The following GSTA5 variants were observed in gnomAD, a reference collection of about 807,000 sequenced individuals.
The protein encoded by GSTA5 is glutathione S-transferase alpha 5.
In GSTA5, 25 loss-of-function variants were observed where a neutral mutation model predicts 21.8. That is an observed-to-expected ratio of 1.14 (90% CI 0.83 to 1.60). The LOEUF is 1.60. Ranked by LOEUF, GSTA5 falls within the 40% of genes most tolerant of loss-of-function variation. The pLI is 0.00. For synonymous variants in GSTA5, 102 were observed against 89.5 expected, an observed-to-expected ratio of 1.14 and a Z score of -0.78; for missense variants, 330 against 259.2, an observed-to-expected ratio of 1.27 and a Z score of -1.88.
chr6:52,832,862 C>T (rs764357045), exon 5 of GSTA5: 1 of 1,613,880 alleles, frequency 6.2e-7, no homozygotes, highest in South Asian at 1.1e-5. Context: ...GGGTCACCTT[C>T]AGCAGAGGGA....
chr6:52,843,673 T>G (rs905263861), upstream of GSTA5, among the ~76,000 whole-genome samples: 3 of 152,202 alleles, frequency 2.0e-5, no homozygotes, highest in Non-Finnish European at 2.9e-5. Flanking sequence ...ATTTTGATGT[T>G]GTACTTTCCT....
intron 4 of GSTA5, among the ~76,000 whole-genome samples, chr6:52,833,293 T>C (rs1275036570): frequency 5.3e-5 from 8 of 151,930 alleles, no homozygotes. Context: ...TGCCTCCATG[T>C]GTTCTGTCTG....
At chr6:52,844,446 G>A (rs1764426865), upstream of GSTA5, among the ~76,000 whole-genome samples, 5 of 152,152 alleles carry the variant, frequency 3.3e-5, no homozygotes, top group Admixed American at 3.3e-4. Context: ...CTAAAATCCA[G>A]AGTGAGTTGA....
chr6:52,832,406 G>A (rs1383715913), intron 5 of GSTA5, among the ~76,000 whole-genome samples: 1 of 152,194 alleles, frequency 6.6e-6, no homozygotes, highest in East Asian at 1.9e-4. Flanking sequence ...TACAGTGTCA[G>A]GGGCAGAGTG....
At chr6:52,842,646 C>A (rs1764395043), upstream of GSTA5, among the ~76,000 whole-genome samples, 1 of 152,080 alleles carries the variant, frequency 6.6e-6, no homozygotes, top group South Asian at 2.1e-4. Context: ...CTCAGGAGAT[C>A]CACTTGCCTC....
chr6:52,834,360 G>C (rs368359339), intron 3 of GSTA5, 78 bp from the exon 4 acceptor site: 4 of 1,446,758 alleles, frequency 2.8e-6, no homozygotes, highest in Non-Finnish European at 3.7e-6. Context: ...TAAGAAAATA[G>C]AGGGTCAGAT....
At chr6:52,834,394 G>T in intron 3 of GSTA5, 112 bp from the exon 4 acceptor site, 1 of 987,880 alleles carries the variant, frequency 1.0e-6, no homozygotes, top group Non-Finnish European at 1.5e-6. Flanking sequence ...TTCACCTCCA[G>T]TTAGTGCCTT....
At chr6:52,840,608 A>G in intron 1 of GSTA5, 119 bp downstream of exon 1, 1 of 919,728 alleles carries the variant, frequency 1.1e-6, no homozygotes, top group Non-Finnish European at 1.7e-6. Context: ...TCTTAATTAC[A>G]GTCCATTTTT....
At chr6:52,836,161 G>T in intron 3 of GSTA5, 75 bp downstream of exon 3, 1 of 1,530,660 alleles carries the variant, frequency 6.5e-7, no homozygotes. Flanking sequence ...GCCCTGCCAT[G>T]GTCCCACCCA....
chr6:52,841,409 C>T (rs139339517), upstream of GSTA5, among the ~76,000 whole-genome samples: 1,701 of 152,298 alleles, frequency 0.011, 18 homozygotes, highest in Middle Eastern at 0.034. Context: ...GAGGATGTCA[C>T]TGACAGGGAG....
At chr6:52,833,504 C>G (rs2127322670) in intron 4 of GSTA5, among the ~76,000 whole-genome samples, 1 of 152,276 alleles carries the variant, frequency 6.6e-6, no homozygotes, top group East Asian at 1.9e-4. Flanking sequence ...TGAAGTAAAC[C>G]TGGGTGAACC....
At chr6:52,836,136 G>T in intron 3 of GSTA5, 100 bp downstream of exon 3, 1 of 1,322,942 alleles carries the variant, frequency 7.6e-7, no homozygotes, top group Non-Finnish European at 1.1e-6. Flanking sequence ...GACCCAGCCT[G>T]CTGCTGGTCA....
upstream of GSTA5, among the ~76,000 whole-genome samples, chr6:52,844,934 C>G (rs1317897983): frequency 6.6e-6 from 1 of 152,106 alleles, no homozygotes; most frequent in Non-Finnish European, 1.5e-5. Flanking sequence ...TCTGTCTACC[C>G]ATCCAAGTAT....
chr6:52,839,870 C>T (rs755050471), intron 1 of GSTA5, among the ~76,000 whole-genome samples: 4 of 152,246 alleles, frequency 2.6e-5, no homozygotes, highest in Non-Finnish European at 5.9e-5. Context: ...GAAGCCTCCA[C>T]GCCTCATTTT....
At chr6:52,842,143 G>C (rs896277520), upstream of GSTA5, among the ~76,000 whole-genome samples, 5 of 152,182 alleles carry the variant, frequency 3.3e-5, no homozygotes, top group East Asian at 1.9e-4. Flanking sequence ...ATCCCAGGCT[G>C]TTTGGGAGGT....
chr6:52,832,922 C>T, exon 5 of GSTA5: 1 of 1,614,116 alleles, frequency 6.2e-7, no homozygotes, highest in South Asian at 1.1e-5. Context: ...AGAAAAGTTC[C>T]ACCAGGTGAA....
intron 4 of GSTA5, among the ~76,000 whole-genome samples, chr6:52,833,716 G>C (rs934249604): frequency 3.3e-5 from 5 of 152,126 alleles, no homozygotes; most frequent in African/African-American, 1.2e-4. Flanking sequence ...AATATTCTCT[G>C]GTTGGGCAAT....
chr6:52,832,831 T>C (rs1764235805), intron 5 of GSTA5, 28 bp downstream of exon 5: 1 of 1,613,322 alleles, frequency 6.2e-7, no homozygotes, highest in Middle Eastern at 1.7e-4. Context: ...GATGTGGGGC[T>C]GTCTCTCTGG....
chr6:52,839,089 A>AT (rs1764335642), intron 1 of GSTA5, among the ~76,000 whole-genome samples: 1 of 152,030 alleles, frequency 6.6e-6, no homozygotes, highest in Admixed American at 6.6e-5. Flanking sequence ...TGTGCCAGCA[A>AT]TTAATAAGGC....
Sources: allele counts gnomAD v4.1 joint callset (sites outside exome capture counted in the v4.1 genomes callset), GRCh38; gene constraint gnomAD v4.1.1; transcripts MANE v1.5; gene names NCBI Gene and HGNC (gene_info 2026-07-23, HGNC 2026-07-21).